Variants in SYT1 observed in about 807,000 individuals in gnomAD.
The protein encoded by SYT1 is synaptotagmin 1.
In SYT1, 8 loss-of-function variants were observed where a neutral mutation model predicts 44.8. The observed-to-expected ratio is 0.18, with a 90% CI of 0.10 to 0.32. The LOEUF is 0.32. Ranked by LOEUF, SYT1 falls within the 10% of genes least tolerant of loss-of-function variation. The probability of loss-of-function intolerance (pLI) is 1.00; values close to 1 mark genes in which losing one functional copy is unlikely to be tolerated. For missense variants in SYT1, 286 were observed against 509.3 expected, an observed-to-expected ratio of 0.56 and a Z score of 4.22; for synonymous variants, 154 against 188.8, an observed-to-expected ratio of 0.82 and a Z score of 1.51.
chr12:79,014,432 C>T (rs1199971111), intron 2 of SYT1, among the ~76,000 whole-genome samples: 2 of 152,244 alleles, frequency 1.3e-5, no homozygotes, highest in Non-Finnish European at 1.5e-5. Context: ...CAAAAGAAGA[C>T]ATTTATGCAG....
intron 1 of SYT1, among the ~76,000 whole-genome samples, chr12:78,965,226 C>T (rs560015954): frequency 2.6e-5 from 4 of 151,940 alleles, no homozygotes; most frequent in Admixed American, 6.5e-5. Context: ...TTAAATAATA[C>T]GAATTAAATA....
At chr12:79,024,530 C>G (rs1299849965) in intron 2 of SYT1, among the ~76,000 whole-genome samples, 2 of 151,724 alleles carry the variant, frequency 1.3e-5, no homozygotes, top group South Asian at 2.1e-4. Context: ...TGAATGTCTA[C>G]CTTGTAAAGA....
chr12:78,866,479 C>T (rs1001780279), intron 1 of SYT1, among the ~76,000 whole-genome samples: 17 of 152,194 alleles, frequency 1.1e-4, no homozygotes, highest in African/African-American at 4.1e-4. Flanking sequence ...AAAACACCAA[C>T]ATGCCCCTGG....
At chr12:79,161,800 C>T (rs925368607) in intron 3 of SYT1, among the ~76,000 whole-genome samples, 4 of 152,046 alleles carry the variant, frequency 2.6e-5, no homozygotes, top group African/African-American at 9.7e-5. Context: ...CAAAGCCTAT[C>T]CTCCTTTAAT....
intron 3 of SYT1, among the ~76,000 whole-genome samples, chr12:79,216,061 A>G (rs865856577): frequency 4.7e-5 from 7 of 148,652 alleles, no homozygotes; most frequent in African/African-American, 1.5e-4. Flanking sequence ...CCTCCCGACT[A>G]TCTGGGATTA....
At chr12:79,317,724 A>G (rs965958295) in intron 8 of SYT1, among the ~76,000 whole-genome samples, 3 of 152,114 alleles carry the variant, frequency 2.0e-5, no homozygotes, top group Admixed American at 6.5e-5. Flanking sequence ...CAACAACAGC[A>G]TAGGTTTGAA....
At chr12:79,293,039 G>A (rs1162037012) in intron 6 of SYT1, among the ~76,000 whole-genome samples, 2 of 151,932 alleles carry the variant, frequency 1.3e-5, no homozygotes, top group African/African-American at 2.4e-5. Context: ...CAGGCAGGGT[G>A]CAGTGGCTCA....
chr12:79,047,457 T>C (rs1234356191), intron 3 of SYT1, 95 bp downstream of exon 3: 1 of 151,848 alleles, frequency 6.6e-6, no homozygotes, highest in East Asian at 1.9e-4. Flanking sequence ...TTTTCTAAGA[T>C]AATAAATTAG....
chr12:79,253,283 C>G (rs557343035), intron 4 of SYT1, among the ~76,000 whole-genome samples: 38 of 152,252 alleles, frequency 2.5e-4, no homozygotes, highest in African/African-American at 8.4e-4. Flanking sequence ...TACGCTCACT[C>G]TATCTCTCTC....
intron 8 of SYT1, among the ~76,000 whole-genome samples, chr12:79,323,948 CTTT>C (rs56962075): frequency 2.7e-5 from 3 of 112,624 alleles, no homozygotes; most frequent in East Asian, 2.7e-4. Flanking sequence ...TTTCTATTTT[CTTT>C]TTTTTTTTTT....
Position 79,123,309 on chromosome 12 carries a change from ATGTGTGTG to A in SYT1, c.-18+75983_-18+75990del, listed in dbSNP as rs66869713. Among the ~76,000 whole-genome samples the A allele has an allele frequency of 9.2e-4, 130 of 141,628 alleles. 1 individual carries two copies. Among genetic ancestry groups the A allele is most frequent in the South Asian group, 3.4e-3 (14 of 4,138 alleles). 92.9% of individuals were successfully genotyped at this position (141,628 alleles called of 152,430 possible). ...TGTTACATGTATCTCTAAAAATGCA[ATGTGTGTG>A]TGTGTGTGTGTGTGTGTGTGTGTGT... On this transcript the variant is annotated intron_variant, in intron 3 of 10. Coordinates refer to ENST00000261205, the MANE Select transcript of SYT1 (RefSeq NM_005639.3).
intron 3 of SYT1, among the ~76,000 whole-genome samples, chr12:79,143,287 G>C (rs1869675003): frequency 6.6e-6 from 1 of 152,130 alleles, no homozygotes; most frequent in Non-Finnish European, 1.5e-5. Flanking sequence ...ATTATATACT[G>C]TTGTCTTTTG....
chr12:78,886,555 A>G (rs1166595146), intron 1 of SYT1, among the ~76,000 whole-genome samples: 2 of 151,962 alleles, frequency 1.3e-5, no homozygotes, highest in Non-Finnish European at 2.9e-5. Context: ...GAATTAAAAG[A>G]TGTTTGTAAC....
At chr12:79,447,870 A>G (rs1870823315) in intron 10 of SYT1, among the ~76,000 whole-genome samples, 1 of 152,192 alleles carries the variant, frequency 6.6e-6, no homozygotes, top group South Asian at 2.1e-4. Flanking sequence ...TCTCCAGCAT[A>G]TAAAGTCCAC....
At chr12:79,115,203 A>C (rs1879213079) in intron 3 of SYT1, among the ~76,000 whole-genome samples, 1 of 152,186 alleles carries the variant, frequency 6.6e-6, no homozygotes, top group Non-Finnish European at 1.5e-5. Flanking sequence ...TAACTCAGAA[A>C]GGAGTTTCAA....
At chr12:78,974,352 T>C (rs1451273244) in intron 1 of SYT1, among the ~76,000 whole-genome samples, 1 of 152,040 alleles carries the variant, frequency 6.6e-6, no homozygotes, top group Non-Finnish European at 1.5e-5. Flanking sequence ...AAGAAAAATA[T>C]AGCATTACTT....
intron 9 of SYT1, among the ~76,000 whole-genome samples, chr12:79,360,717 G>A (rs1762987978): frequency 6.6e-6 from 1 of 152,158 alleles, no homozygotes; most frequent in East Asian, 1.9e-4. Context: ...TTTTAGGCAT[G>A]AATGTTACAA....
rs71091636 is a variant in SYT1 at position 78,923,709 on chromosome 12, C to CTG, written c.-216-54080_-216-54079dup. ...CCTTTCTTTCTCTCTCTCTCTCTCT[C>CTG]TGTGTGTGTGTATATGTGTGTGTGT... On this transcript the variant is annotated intron_variant, in intron 1 of 10. Transcript: ENST00000261205. Among the ~76,000 whole-genome samples, 13 of 150,994 alleles carry CTG rather than the reference C, an allele frequency of 8.6e-5. 1 individual carries two copies. The highest frequency in any genetic ancestry group is 2.1e-4 in the South Asian group (1 of 4,808).
At chr12:79,416,733 T>C (rs1165203077) in intron 9 of SYT1, among the ~76,000 whole-genome samples, 1 of 152,220 alleles carries the variant, frequency 6.6e-6, no homozygotes, top group Admixed American at 6.5e-5. Context: ...GCCATGTTAA[T>C]ATTTCAAACA....
Sources: gnomAD v4.1 joint callset for allele counts (sites outside exome capture counted in the v4.1 genomes callset) on GRCh38, gnomAD v4.1.1 for gene constraint, MANE v1.5 for transcripts, NCBI Gene and HGNC (gene_info 2026-07-23, HGNC 2026-07-21) for gene names.